Variants in PMEPA1 observed in about 807,000 individuals in gnomAD.
The protein encoded by PMEPA1 is prostate transmembrane protein, androgen induced 1.
In PMEPA1, 11 loss-of-function variants were observed where a neutral mutation model predicts 23.0. That is an observed-to-expected ratio of 0.48 (90% CI 0.30 to 0.79). The LOEUF is 0.79. Ranked by LOEUF, PMEPA1 falls within the 30% of genes least tolerant of loss-of-function variation. The probability of loss-of-function intolerance (pLI) is 0.06; values close to 1 mark genes in which losing one functional copy is unlikely to be tolerated. For synonymous variants in PMEPA1, 204 were observed against 166.4 expected, an observed-to-expected ratio of 1.23 and a Z score of -1.74; for missense variants, 377 against 390.9, an observed-to-expected ratio of 0.96 and a Z score of 0.30.
At chr20:57,700,927 G>C (rs1004331546) in intron 1 of PMEPA1, among the ~76,000 whole-genome samples, 1 of 152,238 alleles carries the variant, frequency 6.6e-6, no homozygotes, top group Admixed American at 6.5e-5. Flanking sequence ...CTACTTGGGA[G>C]ACTGAGGCAG....
At chr20:57,662,506 G>C (rs1354182870) in intron 1 of PMEPA1, among the ~76,000 whole-genome samples, 2 of 152,164 alleles carry the variant, frequency 1.3e-5, no homozygotes, top group African/African-American at 4.8e-5. Flanking sequence ...GGCCGCCTGT[G>C]GGACACCCGC....
chr20:57,678,969 G>A (rs760037295), intron 1 of PMEPA1, among the ~76,000 whole-genome samples: 37 of 152,304 alleles, frequency 2.4e-4, no homozygotes, highest in Non-Finnish European at 4.0e-4. Context: ...AACTGCGGAC[G>A]TCTCTGCCAG....
chr20:57,651,650 T>C lies in PMEPA1; in HGVS notation c.*403A>G, dbSNP rs1036693883. On this transcript the variant is annotated 3_prime_UTR_variant, in exon 4 of 4. Transcript: ENST00000341744. The stretch of plus-strand genomic sequence containing the variant: ...CAGTTTCTCTTATCTTATATATATT[T>C]ATATATATAATATTGCAGATCTTTA... 6 of 151,206 alleles carry C rather than the reference T, an allele frequency of 4.0e-5. No homozygotes were observed. The highest frequency in any genetic ancestry group is 8.8e-5 in the Non-Finnish European group (6 of 67,800). 9.4% of individuals were successfully genotyped at this position (151,206 alleles called of 1,614,324 possible). A position where few individuals can be genotyped will look rare whatever the true frequency, so the allele number is the denominator to read the frequency against.
At chr20:57,693,021 A>C (rs932239248) in intron 1 of PMEPA1, among the ~76,000 whole-genome samples, 1 of 152,224 alleles carries the variant, frequency 6.6e-6, no homozygotes, top group Non-Finnish European at 1.5e-5. Flanking sequence ...AAACGTGGCA[A>C]AACTCAGCCA....
At chr20:57,672,927 A>G (rs1048138357) in intron 1 of PMEPA1, among the ~76,000 whole-genome samples, 1 of 152,154 alleles carries the variant, frequency 6.6e-6, no homozygotes, top group Non-Finnish European at 1.5e-5. Flanking sequence ...AAAGCGGAAT[A>G]CCACTAGCAC....
Position 57,659,609 on chromosome 20 carries a change from C to T in PMEPA1, c.198G>A (p.Lys66=), listed in dbSNP as rs745403862. The T allele has an allele frequency of 6.2e-7, 1 of 1,613,634 alleles. No homozygotes were observed. The highest frequency in any genetic ancestry group is 8.5e-7 in the Non-Finnish European group (1 of 1,179,868). ...VVITCLLSHY[K]LSARSFISRH... ...GGCTGATGAAGGACCGTGCAGACAG[C>T]TTGTAGTGGCTCAGCAGGCACGTGA... Residue 66 remains lysine, a synonymous_variant, in exon 2 of 4, where the codon AAG becomes AAA. Coordinates refer to ENST00000341744, the MANE Select transcript of PMEPA1 (RefSeq NM_020182.5).
At chr20:57,662,771 C>T (rs1342102926) in intron 1 of PMEPA1, among the ~76,000 whole-genome samples, 2 of 152,110 alleles carry the variant, frequency 1.3e-5, no homozygotes, top group Admixed American at 1.3e-4. Context: ...ACCCCAGTTC[C>T]CCCTTCCCCA....
At chr20:57,663,370 T>C (rs1032606495) in intron 1 of PMEPA1, among the ~76,000 whole-genome samples, 8 of 152,146 alleles carry the variant, frequency 5.3e-5, no homozygotes, top group African/African-American at 1.9e-4. Context: ...CCAGCCTGGC[T>C]CTTGGGGGCC....
At chr20:57,653,193 G>A in intron 2 of PMEPA1, 107 bp from the exon 3 acceptor site, 2 of 920,076 alleles carry the variant, frequency 2.2e-6, no homozygotes, top group Non-Finnish European at 3.4e-6. Flanking sequence ...ATCAGCTCTT[G>A]AACCCGCCCA....
At chr20:57,659,988 C>T (rs556968953) in intron 1 of PMEPA1, among the ~76,000 whole-genome samples, 25 of 152,282 alleles carry the variant, frequency 1.6e-4, no homozygotes, top group Non-Finnish European at 2.4e-4. Flanking sequence ...AAGGAGGTAA[C>T]GGGACAGGCA....
intron 1 of PMEPA1, among the ~76,000 whole-genome samples, chr20:57,669,854 A>C (rs1015977124): frequency 2.0e-5 from 3 of 150,832 alleles, no homozygotes; most frequent in Admixed American, 2.0e-4. Context: ...GAGCACATAT[A>C]ATTATATTTA....
At chr20:57,654,122 T>C (rs2071292627) in intron 2 of PMEPA1, among the ~76,000 whole-genome samples, 1 of 152,176 alleles carries the variant, frequency 6.6e-6, no homozygotes, top group Non-Finnish European at 1.5e-5. Flanking sequence ...CCATCTGCTC[T>C]GAGGAAAATG....
In PMEPA1 at chr20:57,656,219, C is replaced by T. The variant is rs2071324628; in HGVS notation, c.265-3133G>A. On this transcript the variant is annotated intron_variant, in intron 2 of 3. Coordinates refer to ENST00000341744, the MANE Select transcript of PMEPA1 (RefSeq NM_020182.5). This position sits in a 1 kb window ranked among gnomAD's most constrained non-coding sequence, Gnocchi z 4.7. ...TACTGAATTCCCCCACAGCCCAGCACAAGGGGCCTGGGGGAATTCGGTATC... is the reference window on the plus strand; with the variant it reads ...TACTGAATTCCCCCACAGCCCAGCATAAGGGGCCTGGGGGAATTCGGTATC... Among the ~76,000 whole-genome samples the T allele has an allele frequency of 6.7e-6, 1 of 150,214 alleles. No homozygotes were observed. The highest frequency in any genetic ancestry group is 2.4e-5 in the African/African-American group (1 of 41,040).
chr20:57,659,473 G>T, intron 2 of PMEPA1, 70 bp downstream of exon 2: 1 of 1,514,252 alleles, frequency 6.6e-7, no homozygotes, highest in African/African-American at 1.4e-5. Flanking sequence ...ATTGGATCCC[G>T]TCTGAGTTTT....
chr20:57,668,222 A>G (rs73915289), intron 1 of PMEPA1, among the ~76,000 whole-genome samples: 1,980 of 152,254 alleles, frequency 0.013, 37 homozygotes, highest in African/African-American at 0.046. Flanking sequence ...TGGGGCCCAC[A>G]TCAGGGCCTG....
intron 1 of PMEPA1, among the ~76,000 whole-genome samples, chr20:57,708,469 T>C (rs1021717669): frequency 6.6e-6 from 1 of 152,170 alleles, no homozygotes; most frequent in Non-Finnish European, 1.5e-5. Flanking sequence ...AGAGACTTAC[T>C]TATCTGAACT....
intron 1 of PMEPA1, chr20:57,700,261 C>T (rs1203999854): frequency 4.8e-6 from 2 of 413,136 alleles, no homozygotes; most frequent in Non-Finnish European, 1.0e-5. Flanking sequence ...CGAACATGTT[C>T]GGGGGAACAG....
At position 57,709,664 on chromosome 20, in the gene PMEPA1, C is replaced by T. The variant is rs2072141439; in HGVS notation, c.-82G>A. ...CTCCGGCCGGCGCCCGGAGCTGGGGCCCCGCATGCAGGAGGCGCGCGGCGG... is the reference window on the plus strand; with the variant it reads ...CTCCGGCCGGCGCCCGGAGCTGGGGTCCCGCATGCAGGAGGCGCGCGGCGG... On this transcript the variant is annotated 5_prime_UTR_variant, in exon 1 of 4. Transcript: ENST00000341744. 6.2e-6 allele frequency: 6 copies of T among 975,476 alleles called. No individual in the cohort carries two copies. The highest frequency in any genetic ancestry group is 6.4e-5 in the Admixed American group (1 of 15,572). 60.4% of individuals were successfully genotyped at this position (975,476 alleles called of 1,614,324 possible).
Position 57,650,814 on chromosome 20 carries a change from CAGG to C in PMEPA1, c.*1236_*1238del, listed in dbSNP as rs1433684772. 6.6e-6 allele frequency: 1 copy of C among 152,196 alleles called. No individual in the cohort carries two copies. The highest frequency in any genetic ancestry group is 6.5e-5 in the Admixed American group (1 of 15,274). 9.4% of individuals were successfully genotyped at this position (152,196 alleles called of 1,614,324 possible). On this transcript the variant is annotated 3_prime_UTR_variant, in exon 4 of 4. Coordinates refer to ENST00000341744, the MANE Select transcript of PMEPA1 (RefSeq NM_020182.5). ...GAATTGATCCGTGAAGGGAAACAGA[CAGG>C]AGGAGGTCAGATTGCGAATACCTGG...
Sources: gnomAD v4.1 joint callset for allele counts (sites outside exome capture counted in the v4.1 genomes callset) on GRCh38, gnomAD v4.1.1 for gene constraint, Gnocchi (gnomAD v3.1) non-coding constraint, MANE v1.5 for transcripts, NCBI Gene and HGNC (gene_info 2026-07-23, HGNC 2026-07-21) for gene names.